The following MYOM3 variants were observed in gnomAD, a reference collection of about 807,000 sequenced individuals.
MYOM3 encodes the protein myomesin-3.
MYOM3 carries 155 observed loss-of-function variants against 191.7 expected under a neutral mutation model. The ratio of observed to expected loss-of-function variants is 0.81; its 90% CI spans 0.71 to 0.92. The LOEUF is 0.92. MYOM3 is among the 40% of genes least tolerant of loss of function. The pLI is 0.00. For missense variants in MYOM3, 1,889 were observed against 1,890.6 expected, an observed-to-expected ratio of 1.00 and a Z score of 0.02; for synonymous variants, 757 against 762.9, an observed-to-expected ratio of 0.99 and a Z score of 0.13.
At chr1:24,110,240 A>G (rs1363773728) in intron 1 of MYOM3, among the ~76,000 whole-genome samples, 2 of 152,154 alleles carry the variant, frequency 1.3e-5, no homozygotes, top group Admixed American at 1.3e-4. Flanking sequence ...TGGAAACAGA[A>G]GAGGGATGAC....
Position 24,089,538 on chromosome 1 carries a change from C to A in MYOM3, c.1614G>T (p.Lys538Asn). ...GGGCTGGGGCCTCGGGGTTCCCTACCTTCTCCAGGGAGTACGTCAGTGGTG... is the reference window on the plus strand; with the variant it reads ...GGGCTGGGGCCTCGGGGTTCCCTACATTCTCCAGGGAGTACGTCAGTGGTG... The part of the protein sequence containing the change: ...DRAPLTYSLE[K>N]SVIGSGTWEA... Residue 538 changes from lysine (K) to asparagine (N), a missense_variant and splice_region_variant, in exon 14 of 37, where the codon AAG (lysine) becomes AAT (asparagine). Physicochemically the swap from Lys to Asn is moderately conservative, Grantham distance 94. Coordinates refer to ENST00000374434, the MANE Select transcript of MYOM3 (RefSeq NM_152372.4). The A allele has an allele frequency of 6.3e-7, 1 of 1,597,034 alleles. No homozygotes were observed. The highest frequency in any genetic ancestry group is 8.5e-7 in the Non-Finnish European group (1 of 1,172,150).
Position 24,063,736 on chromosome 1 carries a change from G to C in MYOM3, c.3623-206C>G, listed in dbSNP as rs1643400759. 1.3e-5 allele frequency among the ~76,000 whole-genome samples: 2 copies of C among 152,124 alleles called. No homozygotes were observed. Among genetic ancestry groups the C allele is most frequent in the African/African-American group, 4.8e-5 (2 of 41,400 alleles). On this transcript the variant is annotated intron_variant, in intron 30 of 36. Transcript: ENST00000374434. This position sits in a 1 kb window ranked among gnomAD's most constrained non-coding sequence, Gnocchi z 4.5. ...GGGTGGGCAGAAGGGCACTATGGAT[G>C]GAGGACAAACATGCAAATCTGACAG...
rs771489138 is a variant in MYOM3 at position 24,075,400 on chromosome 1, T to G, written c.2777A>C (p.Asp926Ala). 6.2e-7 allele frequency: 1 copy of G among 1,612,092 alleles called. No homozygotes were observed. The highest frequency in any genetic ancestry group is 8.5e-7 in the Non-Finnish European group (1 of 1,179,428). Residue 926 changes from aspartate (D) to alanine (A), a missense_variant, in exon 22 of 37, where the codon GAC becomes GCC. Transcript: ENST00000374434. Reference protein sequence around the residue: ...YLAFEAPEAPDSSEFQWSKDY... With the variant: ...YLAFEAPEAPASSEFQWSKDY... Reference sequence around the variant, plus strand: ...TTTGGACCACTGAAACTCTGAGGAGTCGGGGGCTTCAGGGGCTTCAAAAGC... The same window carrying G: ...TTTGGACCACTGAAACTCTGAGGAGGCGGGGGCTTCAGGGGCTTCAAAAGC...
At chr1:24,089,411 C>A in intron 14 of MYOM3, 127 bp downstream of exon 14, 1 of 1,278,714 alleles carries the variant, frequency 7.8e-7, no homozygotes, top group Non-Finnish European at 1.0e-6. Context: ...TAGGGCCATG[C>A]CTGGGCCCTT....
intron 5 of MYOM3, among the ~76,000 whole-genome samples, chr1:24,100,900 A>G (rs1166445872): frequency 2.0e-5 from 3 of 151,994 alleles, no homozygotes; most frequent in Non-Finnish European, 1.5e-5. Context: ...AAAAAAAAAA[A>G]AGGAAAAAAT....
intron 20 of MYOM3, among the ~76,000 whole-genome samples, chr1:24,079,193 G>A (rs774772938): frequency 3.3e-5 from 5 of 151,856 alleles, no homozygotes; most frequent in African/African-American, 7.3e-5. Context: ...ATACATGCAC[G>A]TAGGTCCACC....
intron 28 of MYOM3, chr1:24,066,819 T>A (rs1390061601): frequency 1.8e-6 from 1 of 550,994 alleles, no homozygotes; most frequent in African/African-American, 1.9e-5. Flanking sequence ...CTCACACGAA[T>A]CCTACCCCAT....
chr1:24,066,646 G>A (rs1332127081), intron 28 of MYOM3: 1 of 354,256 alleles, frequency 2.8e-6, no homozygotes, highest in Admixed American at 4.4e-5. Flanking sequence ...CTGTGTCACA[G>A]ATGATTGTGA....
intron 18 of MYOM3, 39 bp downstream of exon 18, chr1:24,081,962 C>T: frequency 1.3e-6 from 2 of 1,573,616 alleles, no homozygotes; most frequent in Non-Finnish European, 8.6e-7. Context: ...CGCTGCTAAA[C>T]AAGTCATGAC....
chr1:24,064,589 C>G (rs1253167231), intron 29 of MYOM3, among the ~76,000 whole-genome samples: 1 of 152,232 alleles, frequency 6.6e-6, no homozygotes, highest in Non-Finnish European at 1.5e-5. Flanking sequence ...AGCGTGTTTT[C>G]TCCTGCCCAG....
rs140407864 is a variant in MYOM3 at position 24,069,185 on chromosome 1, T to G, written c.3151-818A>C. Among the ~76,000 whole-genome samples, 101 of 152,384 alleles carry G rather than the reference T, an allele frequency of 6.6e-4. 2 individuals carry two copies. In the East Asian group the frequency reaches 0.016, roughly 24 times the overall value. ...AATTTCATTTTCCTCATCTAGGTTCTTTCTTCCTCTGGCTTTATTTGTATG... is the reference window on the plus strand; with the variant it reads ...AATTTCATTTTCCTCATCTAGGTTCGTTCTTCCTCTGGCTTTATTTGTATG... On this transcript the variant is annotated intron_variant, in intron 25 of 36. Transcript: ENST00000374434.
At chr1:24,077,008 G>A (rs1643609720) in intron 20 of MYOM3, among the ~76,000 whole-genome samples, 1 of 152,052 alleles carries the variant, frequency 6.6e-6, no homozygotes, top group Admixed American at 6.6e-5. Flanking sequence ...TTTTAGTAGA[G>A]GTGGGGTTTC....
Position 24,090,888 on chromosome 1 carries a change from C to G in MYOM3, c.1341G>C (p.Val447=), listed in dbSNP as rs1171286746. ...LVEGQSYRFR[V]RAISRVGSSV... ...TGCTGCCTACCCTGCTGATGGCTCTCACCCGGAACCGATAGCTCTGACCTT... is the reference window on the plus strand; with the variant it reads ...TGCTGCCTACCCTGCTGATGGCTCTGACCCGGAACCGATAGCTCTGACCTT... Residue 447 remains valine (V), a synonymous_variant, in exon 12 of 37, where the codon GTG becomes GTC. Coordinates refer to ENST00000374434, the MANE Select transcript of MYOM3 (RefSeq NM_152372.4). The G allele has an allele frequency of 5.6e-6, 9 of 1,613,958 alleles. No individual in the cohort carries two copies. Among genetic ancestry groups the G allele is most frequent in the Non-Finnish European group, 7.6e-6 (9 of 1,179,938 alleles).
At chr1:24,094,027 G>T (rs1047017675) in intron 9 of MYOM3, among the ~76,000 whole-genome samples, 4 of 152,052 alleles carry the variant, frequency 2.6e-5, no homozygotes, top group African/African-American at 9.7e-5. Context: ...CCCAGCCCAC[G>T]GGTCAGCAAC....
chr1:24,077,967 G>T (rs956866650), intron 20 of MYOM3, among the ~76,000 whole-genome samples: 1 of 152,108 alleles, frequency 6.6e-6, no homozygotes, highest in Non-Finnish European at 1.5e-5. Context: ...TAAAATGAAG[G>T]TATTTTAATT....
chr1:24,079,093 ATATAT>A (rs1319319965), intron 20 of MYOM3, among the ~76,000 whole-genome samples: 3 of 152,172 alleles, frequency 2.0e-5, no homozygotes, highest in African/African-American at 7.2e-5. Flanking sequence ...AACATGTTAC[ATATAT>A]TATATGCTAT....
intron 17 of MYOM3, 126 bp downstream of exon 17, chr1:24,082,465 CCA>C (rs1447658214): frequency 2.9e-5 from 37 of 1,297,358 alleles, no homozygotes; most frequent in Non-Finnish European, 3.7e-5. Flanking sequence ...AGGGCCAGCT[CCA>C]GTTTCCCTCA....
intron 29 of MYOM3, 77 bp from the exon 30 acceptor site, chr1:24,064,236 G>GA: frequency 2.2e-5 from 26 of 1,176,168 alleles, no homozygotes; most frequent in Non-Finnish European, 2.9e-5. Context: ...CGGAGGCCTG[G>GA]GCTCCAGGCC....
intron 29 of MYOM3, chr1:24,064,403 A>G (rs75113654): frequency 0.036 from 17,874 of 495,060 alleles, 415 homozygotes; most frequent in Middle Eastern, 0.062. Flanking sequence ...GGGGTGGAGT[A>G]GGGGGAGTTG....
Sources: allele counts gnomAD v4.1 joint callset (sites outside exome capture counted in the v4.1 genomes callset), GRCh38; gene constraint gnomAD v4.1.1; non-coding constraint Gnocchi (gnomAD v3.1); transcripts MANE v1.5; gene names NCBI Gene and HGNC (gene_info 2026-07-23, HGNC 2026-07-21).